PLEKHA1: variants seen among roughly 807,000 people sequenced by gnomAD.
The protein encoded by PLEKHA1 is pleckstrin homology domain-containing family A member 1.
A neutral mutation model predicts 52.0 loss-of-function variants in PLEKHA1; 34 were observed. That is an observed-to-expected ratio of 0.65 (90% CI 0.50 to 0.87). PLEKHA1 has a LOEUF of 0.87. Among genes scored for constraint, PLEKHA1 ranks in the 40% least tolerant of loss-of-function variants. The pLI, the probability that PLEKHA1 is intolerant of heterozygous loss-of-function variation, is 0.00. For synonymous variants in PLEKHA1, 163 were observed against 170.7 expected, an observed-to-expected ratio of 0.95 and a Z score of 0.35; for missense variants, 497 against 504.2, an observed-to-expected ratio of 0.99 and a Z score of 0.14.
chr10:122,425,044 T>G, intron 10 of PLEKHA1, 85 bp downstream of exon 10: 1 of 1,247,392 alleles, frequency 8.0e-7, no homozygotes, highest in East Asian at 2.4e-5. Context: ...ACAAGCTTGT[T>G]GCACTTGAGG....
At chr10:122,410,523 T>C (rs1341809798) in intron 5 of PLEKHA1, among the ~76,000 whole-genome samples, 5 of 152,194 alleles carry the variant, frequency 3.3e-5, no homozygotes, top group African/African-American at 7.2e-5. Flanking sequence ...GAGGTACATA[T>C]TGTTTTTAGA....
At chr10:122,396,140 A>G (rs2096846796) in intron 2 of PLEKHA1, among the ~76,000 whole-genome samples, 1 of 152,018 alleles carries the variant, frequency 6.6e-6, no homozygotes, top group Non-Finnish European at 1.5e-5. Context: ...GTGACACTTT[A>G]TGTCATGCTT....
At chr10:122,428,334 G>A (rs533612868) in intron 11 of PLEKHA1, 3 of 1,546,582 alleles carry the variant, frequency 1.9e-6, no homozygotes, top group East Asian at 2.4e-5. Context: ...TCAAGAGCTG[G>A]TGAATGCAGC....
Position 122,393,423 on chromosome 10 carries a change from T to G in PLEKHA1, c.141+82T>G, listed in dbSNP as rs2096802203. On this transcript the variant is annotated intron_variant, in intron 2 of 11. Transcript: ENST00000368990. This position sits in a 1 kb window ranked among gnomAD's most constrained non-coding sequence, Gnocchi z 4.5. ...TTAACATACTATACAGGCTTTAGATTTGTCTTCTTAAGCAGTATATTTTTA... is the reference window on the plus strand; with the variant it reads ...TTAACATACTATACAGGCTTTAGATGTGTCTTCTTAAGCAGTATATTTTTA... The G allele has an allele frequency of 7.5e-7, 1 of 1,333,692 alleles. No individual in the cohort carries two copies. Among genetic ancestry groups the G allele is most frequent in the Non-Finnish European group, 9.9e-7 (1 of 1,007,834 alleles). 82.6% of individuals were successfully genotyped at this position (1,333,692 alleles called of 1,614,324 possible).
chr10:122,428,150 T>G, intron 11 of PLEKHA1: 1 of 885,442 alleles, frequency 1.1e-6, no homozygotes, highest in Non-Finnish European at 1.5e-6. Context: ...GAAGGATGTT[T>G]GTGTTTTGTG....
intron 1 of PLEKHA1, among the ~76,000 whole-genome samples, chr10:122,379,338 G>T (rs12259896): frequency 6.6e-6 from 1 of 152,162 alleles, no homozygotes; most frequent in Non-Finnish European, 1.5e-5. Flanking sequence ...TTGTGATGTC[G>T]AATAGTGGCA....
chr10:122,401,551 T>G (rs949831139), intron 4 of PLEKHA1, among the ~76,000 whole-genome samples: 7 of 151,958 alleles, frequency 4.6e-5, no homozygotes, highest in Admixed American at 2.0e-4. Context: ...AAATGAGAAA[T>G]CAGGGAGAGC....
intron 5 of PLEKHA1, among the ~76,000 whole-genome samples, chr10:122,409,359 C>G (rs936737112): frequency 6.6e-6 from 1 of 152,078 alleles, no homozygotes; most frequent in Non-Finnish European, 1.5e-5. Flanking sequence ...GAATCAGCCC[C>G]GAAGGGGGAG....
At chr10:122,380,316 G>A (rs1272659784) in intron 1 of PLEKHA1, among the ~76,000 whole-genome samples, 2 of 152,202 alleles carry the variant, frequency 1.3e-5, no homozygotes, top group East Asian at 3.9e-4. Flanking sequence ...AATCCCTGCT[G>A]TCATGGAGCC....
chr10:122,404,579 C>G (rs975851087), intron 4 of PLEKHA1, among the ~76,000 whole-genome samples: 4 of 152,178 alleles, frequency 2.6e-5, no homozygotes, highest in Admixed American at 2.0e-4. Flanking sequence ...AAAAGGAAGC[C>G]TTACCGATGG....
At chr10:122,388,104 A>G (rs1176375320) in intron 1 of PLEKHA1, 1 of 152,194 alleles carries the variant, frequency 6.6e-6, no homozygotes, top group Non-Finnish European at 1.5e-5. Context: ...GTGTTGTGCA[A>G]CTATCACCTA....
At chr10:122,406,298 T>A (rs1217749538) in intron 4 of PLEKHA1, among the ~76,000 whole-genome samples, 4 of 152,256 alleles carry the variant, frequency 2.6e-5, no homozygotes, top group Non-Finnish European at 5.9e-5. Context: ...TGATATTTTA[T>A]ATAATTTCAA....
At chr10:122,413,066 T>C (rs1401095054) in intron 6 of PLEKHA1, 21 bp downstream of exon 6, 2 of 1,603,450 alleles carry the variant, frequency 1.2e-6, no homozygotes, top group Non-Finnish European at 1.7e-6. Context: ...AACTCTTCTA[T>C]TGTGTGAGGG....
intron 1 of PLEKHA1, among the ~76,000 whole-genome samples, chr10:122,375,785 G>A (rs1247036176): frequency 1.3e-5 from 2 of 152,182 alleles, no homozygotes; most frequent in African/African-American, 4.8e-5. Context: ...TATCCAGGCA[G>A]TTTCTGCGTT....
rs1266348132 is a variant in PLEKHA1 at position 122,429,978 on chromosome 10, A to C, written c.*40A>C. The C allele has an allele frequency of 1.3e-6, 2 of 1,560,856 alleles. No individual in the cohort carries two copies. The highest frequency in any genetic ancestry group is 1.2e-5 in the South Asian group (1 of 81,142). On this transcript the variant is annotated 3_prime_UTR_variant, in exon 12 of 12. Coordinates refer to ENST00000368990, the MANE Select transcript of PLEKHA1 (RefSeq NM_001001974.4). ...GAGCCTGCCTGCCTCTGCCGTCCTC[A>C]GTTTCCTTTCATGAGGCTTCTAGCC...
In PLEKHA1 at chr10:122,424,262, A is replaced by C. The variant is rs2097306240; in HGVS notation, c.745A>C (p.Ser249Arg). ...EVHKVQECKQ[S>R]DIMMRDNLFE... ...TCATAAAGTCCAGGAATGTAAGCAA[A>C]GGTAAGGAACCGCTCTGACTTGATG... The change falls in exon 9 of 12, where the codon AGC becomes CGC. Residue 249 changes from serine (S) to arginine (R), a missense_variant and splice_region_variant. Transcript: ENST00000368990. The C allele has an allele frequency of 6.3e-7, 1 of 1,598,366 alleles. No homozygotes were observed. The highest frequency in any genetic ancestry group is 1.4e-5 in the African/African-American group (1 of 73,632).
intron 11 of PLEKHA1, among the ~76,000 whole-genome samples, chr10:122,427,306 C>CT (rs1283374617): frequency 6.6e-6 from 1 of 152,136 alleles, no homozygotes; most frequent in Non-Finnish European, 1.5e-5. Flanking sequence ...GGAGTTCTTA[C>CT]TTGTCAGTAG....
At chr10:122,429,544 T>A in intron 11 of PLEKHA1, 80 bp from the exon 12 acceptor site, 1 of 1,266,102 alleles carries the variant, frequency 7.9e-7, no homozygotes, top group Non-Finnish European at 1.1e-6. Context: ...TATTTGTTTT[T>A]CAGAGAATCA....
In PLEKHA1 at chr10:122,426,989, C is replaced by T. The variant is rs200082052; in HGVS notation, c.858C>T (p.Gly286=). 1.2e-5 allele frequency: 19 copies of T among 1,614,016 alleles called. No individual in the cohort carries two copies. Among genetic ancestry groups the T allele is most frequent in the East Asian group, 6.7e-5 (3 of 44,874 alleles). The stretch of plus-strand genomic sequence containing the variant: ...ACAGTTGGATTAAAGCAGTCTCTGG[C>T]GCCATTGTAGCACAGCGGGGTCCCG... ...EMHSWIKAVS[G]AIVAQRGPGR... is the part of the protein sequence containing the mutation. Residue 286 remains glycine, a synonymous_variant, in exon 11 of 12, where the codon GGC becomes GGT. Coordinates refer to ENST00000368990, the MANE Select transcript of PLEKHA1 (RefSeq NM_001001974.4).
Sources: allele counts gnomAD v4.1 joint callset (sites outside exome capture counted in the v4.1 genomes callset), GRCh38; gene constraint gnomAD v4.1.1; non-coding constraint Gnocchi (gnomAD v3.1); transcripts MANE v1.5; gene names NCBI Gene and HGNC (gene_info 2026-07-23, HGNC 2026-07-21).